SCNN1D: variants seen among roughly 807,000 people sequenced by gnomAD.
SCNN1D encodes the protein sodium channel epithelial 1 subunit delta.
Under a neutral mutation model 87.8 loss-of-function variants are expected in SCNN1D, and 104 were observed. The ratio of observed to expected loss-of-function variants is 1.18; its 90% CI spans 1.01 to 1.39. The LOEUF (loss-of-function observed/expected upper bound fraction) is 1.39, where lower values mean the gene tolerates loss of function less well. SCNN1D is among the 40% of genes most tolerant of loss of function. The probability of loss-of-function intolerance (pLI) is 0.00; values close to 1 mark genes in which losing one functional copy is unlikely to be tolerated. For missense variants in SCNN1D, 1,324 were observed against 1,093.9 expected (o/e 1.21, Z -2.97); for synonymous variants, 628 against 481.2 (o/e 1.31, Z -3.99).
At chr1:1,291,010 C>T (rs1640793547) in intron 16 of SCNN1D, 55 bp from the exon 17 acceptor site, 1 of 1,596,966 alleles carries the variant, frequency 6.3e-7, no homozygotes, top group East Asian at 2.3e-5. Flanking sequence ...CTCAAAGCCC[C>T]CCTCCCCATC....
rs1640601974 is a variant in SCNN1D at position 1,286,832 on chromosome 1, C to G, written c.976C>G (p.Leu326Val). Residue 326 changes from leucine to valine, a missense_variant, in exon 8 of 18, where the codon CTG (leucine) becomes GTG (valine). By Grantham distance (32) the Leu-to-Val change is conservative. Coordinates refer to ENST00000379116, the MANE Select transcript of SCNN1D (RefSeq NM_001130413.4). The stretch of plus-strand genomic sequence containing the variant: ...GTTTGCCAGGGAGAACATTGACTCC[C>G]TGTACAACGTCAACCTCAGCAAAGG... ...DEFARENIDS[L>V]YNVNLSKGRA... 1 of 1,612,572 alleles carries G rather than the reference C, an allele frequency of 6.2e-7. No homozygotes were observed. Among genetic ancestry groups the G allele is most frequent in the African/African-American group, 1.3e-5 (1 of 74,910 alleles).
In SCNN1D at chr1:1,287,815, G is replaced by A; in HGVS notation, c.1542G>A (p.Glu514=). 6.4e-7 allele frequency: 1 copy of A among 1,566,880 alleles called. No homozygotes were observed. Among genetic ancestry groups the A allele is most frequent in the South Asian group, 1.2e-5 (1 of 85,856 alleles). Residue 514 remains glutamate, a synonymous_variant, in exon 11 of 18, where the codon GAG becomes GAA. Coordinates refer to ENST00000379116, the MANE Select transcript of SCNN1D (RefSeq NM_001130413.4). ...GCTTCAGCGTCCGGCCAGGGACGGA[G>A]GCCACCATCAGCATCCGAGAGGTGA... The part of the protein sequence containing the change: ...HHSFSVRPGT[E]ATISIREDEV...
intron 4 of SCNN1D, among the ~76,000 whole-genome samples, chr1:1,283,603 CAGG>C (rs1239311845): frequency 2.6e-5 from 4 of 152,172 alleles, no homozygotes; most frequent in Non-Finnish European, 4.4e-5. Context: ...GAGGCTGAAG[CAGG>C]AGAATTGCTT....
intron 12 of SCNN1D, among the ~76,000 whole-genome samples, chr1:1,288,787 T>C (rs1408697140): frequency 2.1e-3 from 1 of 486 alleles, no homozygotes; most frequent in Non-Finnish European, 2.8e-3. Flanking sequence ...GTGTCTCTGC[T>C]CCGTCCCCCG....
In SCNN1D at chr1:1,291,935, A is replaced by G. The variant is rs1452351829; in HGVS notation, c.*325A>G. The G allele has an allele frequency of 4.2e-6, 1 of 236,660 alleles. No individual in the cohort carries two copies. The highest frequency in any genetic ancestry group is 2.2e-5 in the African/African-American group (1 of 44,552). 14.7% of individuals were successfully genotyped at this position (236,660 alleles called of 1,614,324 possible). On this transcript the variant is annotated 3_prime_UTR_variant, in exon 18 of 18. Coordinates refer to ENST00000379116, the MANE Select transcript of SCNN1D (RefSeq NM_001130413.4). ...TCTGATGCACCTGTGTACGTGTGTC[A>G]AGCCTAGCCACCTCAGCTGCAGGGA...
intron 5 of SCNN1D, among the ~76,000 whole-genome samples, chr1:1,284,570 A>G (rs1417068896): frequency 1.4e-5 from 2 of 144,098 alleles, no homozygotes; most frequent in African/African-American, 2.6e-5. Context: ...CGTGTGCTGG[A>G]CCACGGGGGG....
Position 1,286,579 on chromosome 1 carries a change from C to T in SCNN1D, c.912-189C>T, listed in dbSNP as rs533209740. ...GAAGGAGGGAAGGTGGGAGGGGCTG[C>T]GAGCGGGCTGGGCTCCGGGGCCGAC... On this transcript the variant is annotated intron_variant, in intron 7 of 17. Transcript: ENST00000379116. Among the ~76,000 whole-genome samples the T allele has an allele frequency of 2.3e-3, 355 of 152,222 alleles. 2 individuals carry two copies. Among genetic ancestry groups the T allele is most frequent in the African/African-American group, 7.7e-3 (320 of 41,544 alleles).
In SCNN1D at chr1:1,285,989, G is replaced by A. The variant is rs533997390; in HGVS notation, c.622G>A (p.Gly208Arg). The A allele has an allele frequency of 1.2e-5, 18 of 1,559,724 alleles. No homozygotes were observed. The highest frequency in any genetic ancestry group is 2.6e-6 in the Non-Finnish European group (3 of 1,151,282). ...AGCACCACCACCACCACCCAAGGAGGGGCACCAGGAGGGGCTGGTGGAGCT... is the reference window on the plus strand; with the variant it reads ...AGCACCACCACCACCACCCAAGGAGAGGCACCAGGAGGGGCTGGTGGAGCT... ...PSAPPPPPKE[G>R]HQEGLVELPA... is the part of the protein sequence containing the mutation. Residue 208 changes from glycine to arginine, a missense_variant, in exon 7 of 18, where the codon GGG becomes AGG. Coordinates refer to ENST00000379116, the MANE Select transcript of SCNN1D (RefSeq NM_001130413.4).
chr1:1,285,985 G>T lies in SCNN1D; in HGVS notation c.618G>T (p.Lys206Asn), dbSNP rs984534227. The part of the protein sequence containing the change: ...GPPSAPPPPP[K>N]EGHQEGLVEL... ...CATCAGCACCACCACCACCACCCAA[G>T]GAGGGGCACCAGGAGGGGCTGGTGG... Residue 206 changes from lysine (K) to asparagine (N), a missense_variant, in exon 7 of 18, where the codon AAG (lysine) becomes AAT (asparagine). Coordinates refer to ENST00000379116, the MANE Select transcript of SCNN1D (RefSeq NM_001130413.4). 3 of 1,559,390 alleles carry T rather than the reference G, an allele frequency of 1.9e-6. No individual in the cohort carries two copies. The highest frequency in any genetic ancestry group is 2.6e-6 in the Non-Finnish European group (3 of 1,151,074).
At chr1:1,282,045 G>A (rs1225875865) in intron 3 of SCNN1D, 197 bp from the exon 4 acceptor site, 1 of 600,070 alleles carries the variant, frequency 1.7e-6, no homozygotes, top group South Asian at 2.0e-5. Context: ...CAGATGTGGT[G>A]GGGGAGAAGC....
In SCNN1D at chr1:1,285,584, G is replaced by T. The variant is rs1448711515; in HGVS notation, c.478G>T (p.Val160Leu). ...GCCTTTGGGTAGATCGCCTGGGCCTGTGGCTCCCCAGAGGCCCTGCCACCT... is the reference window on the plus strand; with the variant it reads ...GCCTTTGGGTAGATCGCCTGGGCCTTTGGCTCCCCAGAGGCCCTGCCACCT... ...GALTSRSPGP[V>L]APQRPCHLKG... is the part of the protein sequence containing the mutation. Residue 160 changes from valine to leucine, a missense_variant, in exon 6 of 18, where the codon GTG (valine) becomes TTG (leucine). By Grantham distance (32) the Val-to-Leu change is conservative. Coordinates refer to ENST00000379116, the MANE Select transcript of SCNN1D (RefSeq NM_001130413.4). The T allele has an allele frequency of 1.3e-6, 2 of 1,537,256 alleles. No homozygotes were observed. Among genetic ancestry groups the T allele is most frequent in the African/African-American group, 1.4e-5 (1 of 72,532 alleles).
rs1640833479 is a variant in SCNN1D at position 1,291,922 on chromosome 1, G to C, written c.*312G>C. On this transcript the variant is annotated 3_prime_UTR_variant, in exon 18 of 18. Coordinates refer to ENST00000379116, the MANE Select transcript of SCNN1D (RefSeq NM_001130413.4). Reference sequence around the variant, plus strand: ...GCATGTCCACACGTCTGATGCACCTGTGTACGTGTGTCAAGCCTAGCCACC... The same window carrying C: ...GCATGTCCACACGTCTGATGCACCTCTGTACGTGTGTCAAGCCTAGCCACC... 7.5e-6 allele frequency: 2 copies of C among 267,350 alleles called. No homozygotes were observed. Among genetic ancestry groups the C allele is most frequent in the African/African-American group, 4.4e-5 (2 of 45,446 alleles). The allele number at this position is 267,350 out of a possible 1,614,324, so 16.6% of individuals were successfully genotyped here.
chr1:1,286,117 G>A lies in SCNN1D; in HGVS notation c.750G>A (p.Thr250=), dbSNP rs147752376. The change falls in exon 7 of 18, where the codon ACG becomes ACA. Residue 250 remains threonine (T), a synonymous_variant. Coordinates refer to ENST00000379116, the MANE Select transcript of SCNN1D (RefSeq NM_001130413.4). ...CCCGCGGGAACCGCCTCAAGACGAC[G>A]TCCTGGGGGCTGCTGTCCCTGGGAG... The part of the protein sequence containing the change: ...VCSRGNRLKT[T]SWGLLSLGAL... 9 of 1,610,710 alleles carry A rather than the reference G, an allele frequency of 5.6e-6. No homozygotes were observed. The highest frequency in any genetic ancestry group is 1.3e-5 in the African/African-American group (1 of 75,042).
At position 1,284,095 on chromosome 1, in the gene SCNN1D, C is replaced by A; in HGVS notation, c.464+5C>A. On this transcript the variant is annotated splice_donor_5th_base_variant and intron_variant, in intron 5 of 17. Transcript: ENST00000379116. ...CGGGGGGGCTCTCACCTCCAGGTAC[C>A]GTGGGGGGGGGTGAGGGGGGTGGGG... 5.8e-6 allele frequency: 1 copy of A among 172,892 alleles called. No individual in the cohort carries two copies. The allele number at this position is 172,892 out of a possible 1,614,324, so 10.7% of individuals were successfully genotyped here.
At chr1:1,290,106 C>T (rs1309261249) in intron 12 of SCNN1D, among the ~76,000 whole-genome samples, 165 bp from the exon 13 acceptor site, 5 of 134,928 alleles carry the variant, frequency 3.7e-5, no homozygotes, top group African/African-American at 8.4e-5. Flanking sequence ...GTCTCTGCTC[C>T]GTCCCGTGTC....
chr1:1,289,078 A>T (rs1360570072), intron 12 of SCNN1D, among the ~76,000 whole-genome samples: 2 of 70 alleles, frequency 0.029, 1 homozygote, highest in Non-Finnish European at 0.034. Context: ...CCGTCCCCCG[A>T]GTCTCTGCTC....
rs369751865 is a variant in SCNN1D, at chr1:1,287,762, A to C, written c.1489A>C (p.Asn497His). The C allele has an allele frequency of 1.1e-4, 176 of 1,601,606 alleles. No individual in the cohort carries two copies. The highest frequency in any genetic ancestry group is 1.5e-4 in the Non-Finnish European group (175 of 1,174,694). Residue 497 changes from asparagine to histidine, a missense_variant, in exon 11 of 18, where the codon AAC becomes CAC. Asn to His is a moderately conservative substitution (Grantham distance 68). Transcript: ENST00000379116. ...CATCAGGGTCATGGTTCACGGCCGT[A>C]ACCACACGCCCTTCCTGGGGCACCA... ...AGIRVMVHGRNHTPFLGHHSF... is the reference protein window; with the variant it reads ...AGIRVMVHGRHHTPFLGHHSF...
intron 5 of SCNN1D, among the ~76,000 whole-genome samples, chr1:1,285,193 G>C (rs1039533687): frequency 6.6e-6 from 1 of 152,208 alleles, no homozygotes; most frequent in Non-Finnish European, 1.5e-5. Context: ...GCTCGCTCTA[G>C]CACCTCCCCA....
rs867217171 is a variant in SCNN1D, at chr1:1,288,323, T to C, written c.1662+286T>C. Among the ~76,000 whole-genome samples, 86 of 51,416 alleles carry C rather than the reference T, an allele frequency of 1.7e-3. 2 individuals carry two copies. Among genetic ancestry groups the C allele is most frequent in the Middle Eastern group, 9.3e-3 (1 of 108 alleles). 33.7% of individuals were successfully genotyped at this position (51,416 alleles called of 152,430 possible). ...TGTCTGCTCCGTCCCGTGTCCCTGCTCCGTCCCGTGTCTCTGCCCCGTCCC... is the reference window on the plus strand; with the variant it reads ...TGTCTGCTCCGTCCCGTGTCCCTGCCCCGTCCCGTGTCTCTGCCCCGTCCC... On this transcript the variant is annotated intron_variant, in intron 12 of 17. Coordinates refer to ENST00000379116, the MANE Select transcript of SCNN1D (RefSeq NM_001130413.4).
Sources: gnomAD v4.1 joint callset for allele counts (sites outside exome capture counted in the v4.1 genomes callset) on GRCh38, gnomAD v4.1.1 for gene constraint, MANE v1.5 for transcripts, NCBI Gene and HGNC (gene_info 2026-07-23, HGNC 2026-07-21) for gene names.